The following EPS15L1 variants were observed in gnomAD, a reference collection of about 807,000 sequenced individuals.
The protein encoded by EPS15L1 is epidermal growth factor receptor pathway substrate 15 like 1, also known as epidermal growth factor receptor substrate 15-like 1.
A neutral mutation model predicts 117.1 loss-of-function variants in EPS15L1; 43 were observed. The observed-to-expected ratio is 0.37, with a 90% confidence interval of 0.29 to 0.47. The LOEUF is 0.47. Among genes scored for constraint, EPS15L1 ranks in the 20% least tolerant of loss-of-function variants. The probability of loss-of-function intolerance (pLI) is 0.99; values close to 1 mark genes in which losing one functional copy is unlikely to be tolerated. For missense variants in EPS15L1, 981 were observed against 1,164.0 expected (o/e 0.84, Z 2.29); for synonymous variants, 459 against 470.5 (o/e 0.98, Z 0.32).
intron 13 of EPS15L1, among the ~76,000 whole-genome samples, chr19:16,407,978 T>C (rs184314193): frequency 1.8e-4 from 28 of 152,282 alleles, no homozygotes; most frequent in African/African-American, 6.3e-4. Context: ...TTGGGGGTGA[T>C]AACACAGAAT....
intron 1 of EPS15L1, among the ~76,000 whole-genome samples, chr19:16,460,750 C>A (rs1487819904): frequency 6.6e-6 from 1 of 152,176 alleles, no homozygotes; most frequent in African/African-American, 2.4e-5. Flanking sequence ...AAGGGAAGAA[C>A]GTTTGCAAGA....
In EPS15L1 at chr19:16,471,409, T is replaced by C. The variant is rs899551467; in HGVS notation, c.33+504A>G. The stretch of plus-strand genomic sequence containing the variant: ...GAGAGGCGCCCGGAGACGTACGATC[T>C]GCGCCCGGTGCAGGGGTGGCGGAAG... On this transcript the variant is annotated intron_variant, in intron 1 of 23. Transcript: ENST00000455140. The surrounding 1 kb of genome is among the most constrained non-coding windows in gnomAD (Gnocchi z 4.8). Among the ~76,000 whole-genome samples, 1 of 152,228 alleles carries C rather than the reference T, an allele frequency of 6.6e-6. No individual in the cohort carries two copies. Among genetic ancestry groups the C allele is most frequent in the African/African-American group, 2.4e-5 (1 of 41,470 alleles).
chr19:16,433,270 G>A (rs2145025294), intron 7 of EPS15L1, among the ~76,000 whole-genome samples: 1 of 152,062 alleles, frequency 6.6e-6, no homozygotes, highest in Admixed American at 6.6e-5. Flanking sequence ...TGGGATTACA[G>A]GCGAACACCA....
intron 22 of EPS15L1, among the ~76,000 whole-genome samples, chr19:16,369,423 T>C (rs1310604567): frequency 6.6e-6 from 1 of 152,218 alleles, no homozygotes; most frequent in East Asian, 1.9e-4. Context: ...TACGAGCCAC[T>C]GCTGGCCGCT....
rs970596668 is a variant in EPS15L1, at chr19:16,381,518, G to A, written c.2247+3611C>T. Among the ~76,000 whole-genome samples the A allele has an allele frequency of 6.6e-6, 1 of 152,156 alleles. No individual in the cohort carries two copies. The highest frequency in any genetic ancestry group is 2.4e-5 in the African/African-American group (1 of 41,422). On this transcript the variant is annotated intron_variant, in intron 21 of 23. Transcript: ENST00000455140. The surrounding 1 kb of genome is among the most constrained non-coding windows in gnomAD (Gnocchi z 4.2). Reference sequence around the variant, plus strand: ...AGAGTGACAGAGCTCGGAAGGCTCCGGCAAGAAGGAAATGAGGTGCCATGT... The same window carrying A: ...AGAGTGACAGAGCTCGGAAGGCTCCAGCAAGAAGGAAATGAGGTGCCATGT...
In EPS15L1 at chr19:16,471,870, GCCCCGCA is replaced by G; in HGVS notation, c.33+36_33+42del. The G allele has an allele frequency of 8.3e-7, 1 of 1,211,290 alleles. No individual in the cohort carries two copies. Among genetic ancestry groups the G allele is most frequent in the Non-Finnish European group, 1.1e-6 (1 of 941,626 alleles). The allele number at this position is 1,211,290 out of a possible 1,614,324, so 75.0% of individuals were successfully genotyped here. A position where few individuals can be genotyped will look rare whatever the true frequency, so the allele number is the denominator to read the frequency against. ...AGCCTCGCCGCACCGCTCGCCTCGC[GCCCCGCA>G]CCCCGGCGCCGCCCCCAGGCCCGCC... On this transcript the variant is annotated intron_variant, in intron 1 of 23. Coordinates refer to ENST00000455140, the MANE Select transcript of EPS15L1 (RefSeq NM_001258374.3). This position sits in a 1 kb window ranked among gnomAD's most constrained non-coding sequence, Gnocchi z 4.8.
At position 16,381,644 on chromosome 19, in the gene EPS15L1, G is replaced by T. The variant is rs552517010; in HGVS notation, c.2247+3485C>A. On this transcript the variant is annotated intron_variant, in intron 21 of 23. Transcript: ENST00000455140. This position sits in a 1 kb window ranked among gnomAD's most constrained non-coding sequence, Gnocchi z 4.2. ...GAAGCTGCGATTGGAATCTGGGAGTGCCCCCATCTGCTGCCCCAGTTGTCC... is the reference window on the plus strand; with the variant it reads ...GAAGCTGCGATTGGAATCTGGGAGTTCCCCCATCTGCTGCCCCAGTTGTCC... Among the ~76,000 whole-genome samples, 1 of 152,336 alleles carries T rather than the reference G, an allele frequency of 6.6e-6. No homozygotes were observed. Among genetic ancestry groups the T allele is most frequent in the East Asian group, 1.9e-4 (1 of 5,184 alleles).
intron 1 of EPS15L1, among the ~76,000 whole-genome samples, chr19:16,463,098 G>GA (rs1336499233): frequency 1.3e-5 from 2 of 152,216 alleles, no homozygotes; most frequent in African/African-American, 2.4e-5. Flanking sequence ...TCAGCAGACA[G>GA]AATCTCATGG....
Position 16,404,522 on chromosome 19 carries a change from C to T in EPS15L1, c.1428+66G>A. On this transcript the variant is annotated intron_variant, in intron 14 of 23. Coordinates refer to ENST00000455140, the MANE Select transcript of EPS15L1 (RefSeq NM_001258374.3). This position sits in a 1 kb window ranked among gnomAD's most constrained non-coding sequence, Gnocchi z 4.2. ...GTTGTGTTCCCAGGTAACACGAGCT[C>T]AGGGGAGTCCTTGGGAAGCCCCTGC... 4.5e-6 allele frequency: 7 copies of T among 1,571,854 alleles called. No homozygotes were observed. The South Asian group carries it at 7.8e-5, about 18-fold the overall frequency.
intron 18 of EPS15L1, among the ~76,000 whole-genome samples, chr19:16,393,678 T>TA (rs2092508251): frequency 6.7e-6 from 1 of 149,158 alleles, no homozygotes; most frequent in Admixed American, 6.7e-5. Flanking sequence ...AATAAATAAA[T>TA]AAATAAATAA....
intron 16 of EPS15L1, chr19:16,401,571 T>A (rs905592459): frequency 1.0e-6 from 1 of 985,034 alleles, no homozygotes; most frequent in Admixed American, 6.2e-5. Context: ...CAAGACGAAA[T>A]GGGAAACTAC....
In EPS15L1 at chr19:16,404,330, G is replaced by T. The variant is rs1008994294; in HGVS notation, c.1428+258C>A. ...CTCCCTGTGTTGTGGGGCACAGCCA[G>T]GTGGGGTGTGTTCAGGGCACAAGTT... On this transcript the variant is annotated intron_variant, in intron 14 of 23. Transcript: ENST00000455140. This position sits in a 1 kb window ranked among gnomAD's most constrained non-coding sequence, Gnocchi z 4.2. Among the ~76,000 whole-genome samples, 3 of 152,208 alleles carry T rather than the reference G, an allele frequency of 2.0e-5. No homozygotes were observed. The highest frequency in any genetic ancestry group is 7.2e-5 in the African/African-American group (3 of 41,446).
chr19:16,457,404 C>G (rs890268279), intron 1 of EPS15L1, among the ~76,000 whole-genome samples: 1 of 152,130 alleles, frequency 6.6e-6, no homozygotes, highest in African/African-American at 2.4e-5. Context: ...CCTGGAAGGC[C>G]CCCCCTCCAT....
rs574059811 is a variant in EPS15L1, at chr19:16,392,873, G to C, written c.1967-433C>G. Among the ~76,000 whole-genome samples, 3 of 152,012 alleles carry C rather than the reference G, an allele frequency of 2.0e-5. No homozygotes were observed. In the South Asian group the frequency reaches 6.2e-4, roughly 32 times the overall value. The stretch of plus-strand genomic sequence containing the variant: ...GTTCAAGACCAGCATGGGCAACACA[G>C]AGAAAAATAAAATAAAAAATTAGCC... On this transcript the variant is annotated intron_variant, in intron 18 of 23. Transcript: ENST00000455140.
chr19:16,413,773 C>T lies in EPS15L1; in HGVS notation c.1266G>A (p.Gln422=), dbSNP rs749591266. Residue 422 remains glutamine (Q), a splice_region_variant and synonymous_variant, in exon 13 of 24, where the codon CAG becomes CAA. Coordinates refer to ENST00000455140, the MANE Select transcript of EPS15L1 (RefSeq NM_001258374.3). The part of the protein sequence containing the change: ...EAIRQKTSEV[Q]ELQNDLDRET... ...TAACCAAAACGAACGAGACCCTTAC[C>T]TGCACCTCGCTGGTTTTCTGTCTGA... The T allele has an allele frequency of 2.5e-6, 4 of 1,613,422 alleles. No homozygotes were observed. Among genetic ancestry groups the T allele is most frequent in the Admixed American group, 3.3e-5 (2 of 60,028 alleles).
chr19:16,409,860 C>T (rs568020716), intron 13 of EPS15L1, among the ~76,000 whole-genome samples: 26 of 147,682 alleles, frequency 1.8e-4, no homozygotes, highest in African/African-American at 6.6e-4. Context: ...ATCACTTGAA[C>T]CTGGGAGGCG....
chr19:16,469,337 T>TCGAGGAGGCTCCA (rs2093328608), intron 1 of EPS15L1, among the ~76,000 whole-genome samples: 1 of 151,930 alleles, frequency 6.6e-6, no homozygotes, highest in African/African-American at 2.4e-5. Flanking sequence ...GCTCCAGTGT[T>TCGAGGAGGCTCCA]GCGGAGTTCG....
chr19:16,394,019 G>T lies in EPS15L1; in HGVS notation c.1916-18C>A. 1.2e-6 allele frequency: 2 copies of T among 1,613,718 alleles called. No individual in the cohort carries two copies. The highest frequency in any genetic ancestry group is 1.1e-5 in the South Asian group (1 of 91,076). The stretch of plus-strand genomic sequence containing the variant: ...CGGGTCGCCTGGTTGGAAGAGGAGA[G>T]AAATGCTTATTAGCTCTAGGGCACA... On this transcript the variant is annotated intron_variant, in intron 17 of 23. Transcript: ENST00000455140.
chr19:16,402,107 G>A lies in EPS15L1; in HGVS notation c.1791+214C>T, dbSNP rs1274941186. 4 of 1,342,134 alleles carry A rather than the reference G, an allele frequency of 3.0e-6. No homozygotes were observed. The East Asian group carries it at 1.1e-4, about 38-fold the overall frequency. The allele number at this position is 1,342,134 out of a possible 1,614,324, so 83.1% of individuals were successfully genotyped here. A position where few individuals can be genotyped will look rare whatever the true frequency, so the allele number is the denominator to read the frequency against. ...TTCTGAAAGGATCCAGGCCTATCTT[G>A]GACTTTGTTCTGGAAGCCAGGATTC... is the stretch of plus-strand genomic sequence containing the variant. On this transcript the variant is annotated intron_variant, in intron 16 of 23. Transcript: ENST00000455140.
Sources: gnomAD v4.1 joint callset for allele counts (sites outside exome capture counted in the v4.1 genomes callset) on GRCh38, gnomAD v4.1.1 for gene constraint, Gnocchi (gnomAD v3.1) non-coding constraint, MANE v1.5 for transcripts, NCBI Gene and HGNC (gene_info 2026-07-23, HGNC 2026-07-21) for gene names.